RGS7: variants seen among roughly 807,000 people sequenced by gnomAD.
The protein encoded by RGS7 is regulator of G-protein signaling 7.
Under a neutral mutation model 81.1 loss-of-function variants are expected in RGS7, and 27 were observed. The observed-to-expected ratio is 0.33, with a 90% confidence interval of 0.25 to 0.46. The LOEUF (loss-of-function observed/expected upper bound fraction) is 0.46. RGS7 is among the 20% of genes least tolerant of loss of function. The pLI, the probability that RGS7 is intolerant of heterozygous loss-of-function variation, is 1.00. For missense variants in RGS7, 396 were observed against 607.4 expected (o/e 0.65, Z 3.66); for synonymous variants, 208 against 207.7 (o/e 1.00, Z -0.01).
intron 2 of RGS7, among the ~76,000 whole-genome samples, chr1:241,183,628 A>G (rs1291790290): frequency 6.6e-6 from 1 of 152,246 alleles, no homozygotes; most frequent in African/African-American, 2.4e-5. Context: ...TGGGTCAAGT[A>G]CAAAACTTAT....
rs538388251 is a variant in RGS7, at chr1:241,079,169, C to A, written c.175+19497G>T. 2.0e-5 allele frequency among the ~76,000 whole-genome samples: 3 copies of A among 152,230 alleles called. No individual in the cohort carries two copies. In the East Asian group the frequency reaches 5.8e-4, roughly 29 times the overall value. On this transcript the variant is annotated intron_variant, in intron 3 of 18. Transcript: ENST00000440928. ...GCTGAGATAAAAGCGATGTGCAGCA[C>A]CGGATGCCAACAGAGCAAATAATTA...
intron 3 of RGS7, among the ~76,000 whole-genome samples, chr1:241,074,373 G>T (rs962706373): frequency 6.6e-6 from 1 of 152,096 alleles, no homozygotes; most frequent in South Asian, 2.1e-4. Flanking sequence ...AAATTGGTGA[G>T]GATTGAGGAA....
At chr1:241,193,308 G>T (rs182674815) in intron 2 of RGS7, among the ~76,000 whole-genome samples, 1 of 152,312 alleles carries the variant, frequency 6.6e-6, no homozygotes, top group Admixed American at 6.5e-5. Context: ...CACTGCTCCT[G>T]AAGATGGTCT....
At chr1:240,804,567 C>T (rs1049939986) in intron 15 of RGS7, among the ~76,000 whole-genome samples, 1 of 151,914 alleles carries the variant, frequency 6.6e-6, no homozygotes, top group Non-Finnish European at 1.5e-5. Context: ...AGAGGATCCT[C>T]TTAGGCAAGA....
chr1:241,248,573 C>T (rs537653830), intron 2 of RGS7, among the ~76,000 whole-genome samples: 3 of 151,796 alleles, frequency 2.0e-5, no homozygotes, highest in Non-Finnish European at 4.4e-5. Context: ...CTTATCTCTT[C>T]CTCATTTCCT....
chr1:240,856,054 T>G (rs1661064685), intron 9 of RGS7, among the ~76,000 whole-genome samples: 1 of 152,180 alleles, frequency 6.6e-6, no homozygotes, highest in South Asian at 2.1e-4. Flanking sequence ...TCTGAATTGT[T>G]TAATTATTTT....
At chr1:240,960,199 C>T (rs2148469763) in intron 4 of RGS7, among the ~76,000 whole-genome samples, 5 of 63,632 alleles carry the variant, frequency 7.9e-5, no homozygotes, top group African/African-American at 1.9e-4. Context: ...TGCTTTTCTT[C>T]TTCTTCCTCT....
At chr1:240,931,805 G>A (rs1207589688) in intron 5 of RGS7, among the ~76,000 whole-genome samples, 1 of 152,048 alleles carries the variant, frequency 6.6e-6, no homozygotes, top group African/African-American at 2.4e-5. Context: ...GTCTGACCGA[G>A]AGAAACTTTA....
In RGS7 at chr1:241,193,640, A is replaced by G. The variant is rs112439923; in HGVS notation, c.79-94878T>C. 2.0e-3 allele frequency among the ~76,000 whole-genome samples: 303 copies of G among 152,362 alleles called. 2 individuals are homozygous for G. The highest frequency in any genetic ancestry group is 6.8e-3 in the African/African-American group (283 of 41,594). On this transcript the variant is annotated intron_variant, in intron 2 of 18. Transcript: ENST00000440928. Reference sequence around the variant, plus strand: ...TCATCATGCTTCTCCGGAAGGATCTAGAGTACTTATACAATTTGAGAAGAT... The same window carrying G: ...TCATCATGCTTCTCCGGAAGGATCTGGAGTACTTATACAATTTGAGAAGAT...
chr1:240,860,890 A>G (rs1270483728), intron 9 of RGS7, among the ~76,000 whole-genome samples: 1 of 152,142 alleles, frequency 6.6e-6, no homozygotes, highest in Non-Finnish European at 1.5e-5. Flanking sequence ...ATGTCATGTC[A>G]TCACACTCAG....
chr1:240,878,280 T>C (rs2148068719), intron 6 of RGS7, among the ~76,000 whole-genome samples: 1 of 152,200 alleles, frequency 6.6e-6, no homozygotes, highest in East Asian at 1.9e-4. Context: ...TTAGTTTTTC[T>C]CCCCCTATTC....
chr1:240,850,524 C>G lies in RGS7; in HGVS notation c.609+18063G>C, dbSNP rs140077013. 4.6e-3 allele frequency among the ~76,000 whole-genome samples: 697 copies of G among 152,254 alleles called. 7 individuals are homozygous for G. The highest frequency in any genetic ancestry group is 0.016 in the African/African-American group (672 of 41,534). ...CCTATTTTCTGAGCTACAACAATATCAACATCAGGCCAATAATAACCCTAC... is the reference window on the plus strand; with the variant it reads ...CCTATTTTCTGAGCTACAACAATATGAACATCAGGCCAATAATAACCCTAC... On this transcript the variant is annotated intron_variant, in intron 9 of 18. Transcript: ENST00000440928.
intron 12 of RGS7, 83 bp downstream of exon 12, chr1:240,814,632 TC>T: frequency 2.3e-6 from 2 of 851,082 alleles, no homozygotes; most frequent in Non-Finnish European, 2.0e-6. Flanking sequence ...CCAACTCCTG[TC>T]CCCACAGTTC....
At chr1:241,115,238 A>G (rs2065808039) in intron 2 of RGS7, among the ~76,000 whole-genome samples, 1 of 152,188 alleles carries the variant, frequency 6.6e-6, no homozygotes, top group African/African-American at 2.4e-5. Flanking sequence ...GCACTGGAAT[A>G]AACTCTTTAA....
At chr1:240,974,134 A>G (rs1194893267) in intron 4 of RGS7, among the ~76,000 whole-genome samples, 1 of 152,196 alleles carries the variant, frequency 6.6e-6, no homozygotes, top group Non-Finnish European at 1.5e-5. Context: ...TACTTGATCC[A>G]GTTGTTTGAT....
At chr1:241,086,298 T>C (rs908184037) in intron 3 of RGS7, among the ~76,000 whole-genome samples, 1 of 152,196 alleles carries the variant, frequency 6.6e-6, no homozygotes, top group Admixed American at 6.5e-5. Flanking sequence ...AGAGAATCTC[T>C]TGTGTTTCCC....
intron 2 of RGS7, among the ~76,000 whole-genome samples, chr1:241,231,091 T>C (rs2075639262): frequency 1.3e-5 from 2 of 152,322 alleles, no homozygotes; most frequent in South Asian, 4.1e-4. Context: ...CAGGCCAAAA[T>C]GTTCTCAAGT....
intron 9 of RGS7, among the ~76,000 whole-genome samples, chr1:240,843,124 C>T (rs563872640): frequency 5.1e-4 from 77 of 150,574 alleles, no homozygotes; most frequent in South Asian, 3.3e-3. Flanking sequence ...GAGATCATGC[C>T]GCTGCACTCC....
At chr1:241,098,434 A>C (rs2064457745) in intron 3 of RGS7, among the ~76,000 whole-genome samples, 2 of 152,178 alleles carry the variant, frequency 1.3e-5, no homozygotes, top group African/African-American at 2.4e-5. Context: ...TTTACTTCGC[A>C]TTTGTTCATT....
Sources: allele counts gnomAD v4.1 joint callset (sites outside exome capture counted in the v4.1 genomes callset), GRCh38; gene constraint gnomAD v4.1.1; transcripts MANE v1.5; gene names NCBI Gene and HGNC (gene_info 2026-07-23, HGNC 2026-07-21).